FAM133A: variants seen among roughly 807,000 people sequenced by gnomAD.
FAM133A encodes family with sequence similarity 133 member A.
For synonymous variants in FAM133A, 65 were observed against 58.6 expected (o/e 1.11, Z -0.50); for missense variants, 159 against 164.4 (o/e 0.97, Z 0.18).
At position 93,711,886 on chromosome X, in the gene FAM133A, T is replaced by TAAATTAA. The variant is rs1927464081; in HGVS notation, c.*1720_*1721insAAATTAA. 3 of 123,367 alleles carry TAAATTAA rather than the reference T, an allele frequency of 2.4e-5. No homozygotes were observed. Among genetic ancestry groups the TAAATTAA allele is most frequent in the Admixed American group, 1.9e-4 (2 of 10,467 alleles). The allele number at this position is 123,367 out of a possible 1,213,427, so 10.2% of individuals were successfully genotyped here. The stretch of plus-strand genomic sequence containing the variant: ...GTATCCATATAGAGTTTTTCAGAAT[T>TAAATTAA]GTTCATTAAAATGCTTTTTATAAGC... On this transcript the variant is annotated 3_prime_UTR_variant, in exon 4 of 4. Transcript: ENST00000683942.
chrX:93,677,486 A>G (rs1308877212), intron 2 of FAM133A, among the ~76,000 whole-genome samples: 1 of 111,471 alleles, frequency 9.0e-6, no homozygotes, highest in Non-Finnish European at 1.9e-5. Flanking sequence ...TTATTGATGG[A>G]TAATAGGCAC....
intron 3 of FAM133A, among the ~76,000 whole-genome samples, chrX:93,702,623 A>G (rs1323100160): frequency 4.5e-5 from 5 of 109,997 alleles, no homozygotes; most frequent in African/African-American, 1.7e-4. Flanking sequence ...TGGGCTGCAC[A>G]TAGTGACTTT....
intron 2 of FAM133A, among the ~76,000 whole-genome samples, chrX:93,688,643 A>C (rs1925694480): frequency 9.0e-6 from 1 of 111,518 alleles, no homozygotes; most frequent in Non-Finnish European, 1.9e-5. Flanking sequence ...TTTTTGCCAA[A>C]TGAACTTATG....
chrX:93,684,775 A>T (rs1217994291), intron 2 of FAM133A, among the ~76,000 whole-genome samples: 1 of 99,803 alleles, frequency 1.0e-5, no homozygotes, highest in East Asian at 3.0e-4. Context: ...TAATTAAAAA[A>T]ACAAACATTT....
At position 93,712,033 on chromosome X, in the gene FAM133A, T is replaced by C. The variant is rs545479708; in HGVS notation, c.*1867T>C. 2 of 123,298 alleles carry C rather than the reference T, an allele frequency of 1.6e-5. No homozygotes were observed. Among genetic ancestry groups the C allele is most frequent in the East Asian group, 5.7e-4 (2 of 3,537 alleles). The allele number at this position is 123,298 out of a possible 1,213,427, so 10.2% of individuals were successfully genotyped here. A position where few individuals can be genotyped will look rare whatever the true frequency, so the allele number is the denominator to read the frequency against. ...ATTTGACTACTTCAAGCAGAGGGAT[T>C]GTAAACAGAAGTGATTTTCTATTTC... On this transcript the variant is annotated 3_prime_UTR_variant, in exon 4 of 4. Transcript: ENST00000683942.
At chrX:93,701,994 C>T (rs1208113340) in intron 3 of FAM133A, among the ~76,000 whole-genome samples, 3 of 112,042 alleles carry the variant, frequency 2.7e-5, no homozygotes, top group Non-Finnish European at 5.6e-5. Context: ...GATGATGACT[C>T]AGTCATATCA....
At chrX:93,701,034 G>A (rs924635036) in intron 3 of FAM133A, among the ~76,000 whole-genome samples, 1 of 111,299 alleles carries the variant, frequency 9.0e-6, no homozygotes, top group Non-Finnish European at 1.9e-5. Context: ...TAAGTTGTTA[G>A]ACGAGATGAC....
chrX:93,700,995 G>T (rs4893045), intron 3 of FAM133A, among the ~76,000 whole-genome samples: 56,892 of 109,659 alleles, frequency 0.52, 11,487 homozygotes, highest in South Asian at 0.64. Context: ...CTGGTATTTT[G>T]CTTCCTATGC....
At chrX:93,677,890 T>G (rs550176771) in intron 2 of FAM133A, among the ~76,000 whole-genome samples, 1 of 111,916 alleles carries the variant, frequency 8.9e-6, no homozygotes, top group Non-Finnish European at 1.9e-5. Flanking sequence ...AAGTTTTGTA[T>G]GGACATATGT....
chrX:93,698,097 T>G (rs768270878), intron 2 of FAM133A, among the ~76,000 whole-genome samples: 1 of 111,267 alleles, frequency 9.0e-6, no homozygotes, highest in East Asian at 2.9e-4. Flanking sequence ...ATACGTTAGG[T>G]AAACAATTAT....
intron 3 of FAM133A, among the ~76,000 whole-genome samples, chrX:93,702,612 G>A (rs1440616786): frequency 9.1e-6 from 1 of 109,917 alleles, no homozygotes; most frequent in Non-Finnish European, 1.9e-5. Flanking sequence ...TTCTTTAAGT[G>A]TGGGCTGCAC....
At chrX:93,703,555 TTAAA>T (rs1394719953) in intron 3 of FAM133A, among the ~76,000 whole-genome samples, 1 of 112,234 alleles carries the variant, frequency 8.9e-6, no homozygotes, top group African/African-American at 3.2e-5. Context: ...CTAAAATATT[TTAAA>T]TAAAAAGCGT....
At chrX:93,705,566 C>G (rs757261303) in intron 3 of FAM133A, among the ~76,000 whole-genome samples, 1 of 111,535 alleles carries the variant, frequency 9.0e-6, no homozygotes, top group African/African-American at 3.2e-5. Flanking sequence ...AAACTCCTGT[C>G]TTAATCTTAG....
intron 2 of FAM133A, among the ~76,000 whole-genome samples, chrX:93,687,478 A>G (rs773449709): frequency 2.4e-4 from 27 of 111,386 alleles, no homozygotes; most frequent in Admixed American, 9.6e-5. Flanking sequence ...TGCCCCAAAA[A>G]CTATTGAAAT....
intron 2 of FAM133A, among the ~76,000 whole-genome samples, chrX:93,691,275 T>C (rs1348195595): frequency 9.0e-6 from 1 of 111,688 alleles, no homozygotes; most frequent in East Asian, 2.8e-4. Flanking sequence ...TTTTAGCTCT[T>C]ACCTTTAGAT....
intron 2 of FAM133A, among the ~76,000 whole-genome samples, chrX:93,675,931 A>G (rs1034660874): frequency 1.3e-4 from 15 of 111,475 alleles, no homozygotes; most frequent in Non-Finnish European, 2.5e-4. Flanking sequence ...TTTATTTTAA[A>G]TTATGGAGAT....
At chrX:93,705,883 TA>T (rs201827022) in intron 3 of FAM133A, among the ~76,000 whole-genome samples, 2 of 110,181 alleles carry the variant, frequency 1.8e-5, no homozygotes, top group African/African-American at 3.3e-5. Flanking sequence ...TTCTTTCATG[TA>T]AAAAAAAACA....
In FAM133A at chrX:93,710,846, T is replaced by C. The variant is rs768294092; in HGVS notation, c.*680T>C. The C allele has an allele frequency of 9.7e-5, 12 of 123,315 alleles. No individual in the cohort carries two copies. Among genetic ancestry groups the C allele is most frequent in the Admixed American group, 7.6e-4 (8 of 10,484 alleles). The allele number at this position is 123,315 out of a possible 1,213,427, so 10.2% of individuals were successfully genotyped here. On this transcript the variant is annotated 3_prime_UTR_variant, in exon 4 of 4. Coordinates refer to ENST00000683942, the MANE Select transcript of FAM133A (RefSeq NM_001171109.2). ...AGTAAGCCCCCATATCTATGAAATTTACCTCTTCTTCAGCACTGTTTACTA... is the reference window on the plus strand; with the variant it reads ...AGTAAGCCCCCATATCTATGAAATTCACCTCTTCTTCAGCACTGTTTACTA...
At chrX:93,688,692 A>G (rs1925698394) in intron 2 of FAM133A, among the ~76,000 whole-genome samples, 1 of 111,594 alleles carries the variant, frequency 9.0e-6, no homozygotes, top group East Asian at 2.8e-4. Context: ...AATTTAAATC[A>G]ATATTAATTT....
Sources: gnomAD v4.1 joint callset for allele counts (sites outside exome capture counted in the v4.1 genomes callset) on GRCh38, gnomAD v4.1.1 for gene constraint, MANE v1.5 for transcripts, NCBI Gene and HGNC (gene_info 2026-07-23, HGNC 2026-07-21) for gene names.